The following ERBIN variants were observed in gnomAD, a reference collection of about 807,000 sequenced individuals.
ERBIN encodes the protein erbb2 interacting protein, also known as densin-180-like protein.
In ERBIN, 60 loss-of-function variants were observed where a neutral mutation model predicts 158.4. That is an observed-to-expected ratio of 0.38 (90% CI 0.31 to 0.47). ERBIN has a LOEUF of 0.47. Ranked by LOEUF, ERBIN falls within the 20% of genes least tolerant of loss-of-function variation. The pLI is 0.99. For synonymous variants in ERBIN, 594 were observed against 557.2 expected (o/e 1.07, Z -0.93); for missense variants, 1,610 against 1,648.0 (o/e 0.98, Z 0.40).
intron 21 of ERBIN, among the ~76,000 whole-genome samples, chr5:66,066,857 C>T (rs73763083): frequency 0.04 from 6,133 of 152,248 alleles, 415 homozygotes; most frequent in African/African-American, 0.14. Context: ...TGACAGGAAG[C>T]AGTTTTACGT....
intron 9 of ERBIN, among the ~76,000 whole-genome samples, 196 bp downstream of exon 9, chr5:66,023,560 C>T (rs1755919114): frequency 6.6e-6 from 1 of 151,974 alleles, no homozygotes; most frequent in African/African-American, 2.4e-5. Context: ...ATTTGTATGT[C>T]TCCTTTTAAT....
intron 1 of ERBIN, among the ~76,000 whole-genome samples, chr5:65,955,173 A>G (rs6449797): frequency 0.04 from 6,107 of 152,294 alleles, 415 homozygotes; most frequent in African/African-American, 0.14. Context: ...AAAAATGCCA[A>G]CCATTTTTTT....
intron 21 of ERBIN, among the ~76,000 whole-genome samples, chr5:66,064,221 A>G (rs1580519544): frequency 1.3e-5 from 2 of 152,256 alleles, no homozygotes; most frequent in South Asian, 4.1e-4. Context: ...TTAATAGATT[A>G]AGGTAAAAGT....
Position 66,053,438 on chromosome 5 carries a change from A to C in ERBIN, c.2120A>C (p.Gln707Pro). 1 of 1,500,886 alleles carries C rather than the reference A, an allele frequency of 6.7e-7. No individual in the cohort carries two copies. Among genetic ancestry groups the C allele is most frequent in the Non-Finnish European group, 8.9e-7 (1 of 1,126,892 alleles). The allele number at this position is 1,500,886 out of a possible 1,614,324, so 93.0% of individuals were successfully genotyped here. Residue 707 changes from glutamine to proline, a missense_variant, in exon 21 of 26, where the codon CAA becomes CCA. Physicochemically the swap from Gln to Pro is moderately conservative, Grantham distance 76. This residue lies in a region of ERBIN where 1,014 missense variants were observed against 936.1 expected (regional missense o/e 1.08). Coordinates refer to ENST00000284037, the MANE Select transcript of ERBIN (RefSeq NM_001253697.2). Reference sequence around the variant, plus strand: ...GATGAAAATTTTAACAGCCTTTTACAAAATGGAGATATTTTAAACAGTTCA... The same window carrying C: ...GATGAAAATTTTAACAGCCTTTTACCAAATGGAGATATTTTAAACAGTTCA... ...QEDENFNSLLQNGDILNSSTE... is the reference protein window; with the variant it reads ...QEDENFNSLLPNGDILNSSTE...
chr5:65,971,199 A>G (rs1749205856), intron 1 of ERBIN, among the ~76,000 whole-genome samples: 1 of 151,442 alleles, frequency 6.6e-6, no homozygotes, highest in Non-Finnish European at 1.5e-5. Context: ...CCAGGTGTCT[A>G]GAAGTGACTG....
intron 1 of ERBIN, among the ~76,000 whole-genome samples, chr5:65,939,814 G>T (rs527919799): frequency 6.6e-6 from 1 of 152,366 alleles, no homozygotes; most frequent in South Asian, 2.1e-4. Flanking sequence ...CTCCCGAGGT[G>T]CCGGGATTGC....
chr5:65,940,453 C>T (rs1278461425), intron 1 of ERBIN, among the ~76,000 whole-genome samples: 5 of 109,224 alleles, frequency 4.6e-5, no homozygotes, highest in Admixed American at 1.8e-4. Context: ...CTGCCCCGTC[C>T]GGGAGGGAGG....
chr5:65,930,827 C>T (rs1465398765), intron 1 of ERBIN, among the ~76,000 whole-genome samples: 1 of 152,176 alleles, frequency 6.6e-6, no homozygotes, highest in Non-Finnish European at 1.5e-5. Context: ...TCCTACCTTT[C>T]AAGTTAGATG....
intron 4 of ERBIN, among the ~76,000 whole-genome samples, chr5:65,996,125 G>A (rs980600459): frequency 5.9e-5 from 9 of 151,270 alleles, no homozygotes; most frequent in Non-Finnish European, 1.2e-4. Flanking sequence ...GATCCCGTTT[G>A]TCTGTTTTTG....
Position 65,977,039 on chromosome 5 carries a change from C to T in ERBIN, c.-57-11596C>T, listed in dbSNP as rs1040156472. Among the ~76,000 whole-genome samples the T allele has an allele frequency of 2.2e-3, 330 of 152,336 alleles. 2 individuals carry two copies. The highest frequency in any genetic ancestry group is 7.6e-3 in the African/African-American group (315 of 41,584). ...TCTCAATGAGCTGTTGGGTACACCTCGCAGATGGGGTGGTGGCCGGGCAGA... is the reference window on the plus strand; with the variant it reads ...TCTCAATGAGCTGTTGGGTACACCTTGCAGATGGGGTGGTGGCCGGGCAGA... On this transcript the variant is annotated intron_variant, in intron 1 of 25. Transcript: ENST00000284037.
At chr5:66,070,386 A>G (rs933144056) in intron 21 of ERBIN, among the ~76,000 whole-genome samples, 3 of 152,190 alleles carry the variant, frequency 2.0e-5, no homozygotes, top group African/African-American at 4.8e-5. Context: ...GGTGATAACT[A>G]TCAGTCTCTC....
At chr5:65,977,276 C>T (rs1440898907) in intron 1 of ERBIN, among the ~76,000 whole-genome samples, 5 of 147,566 alleles carry the variant, frequency 3.4e-5, no homozygotes, top group East Asian at 2.0e-4. Context: ...CCGGATGGGG[C>T]GGCTGGCCGG....
At chr5:66,019,646 A>G (rs888594880) in intron 7 of ERBIN, among the ~76,000 whole-genome samples, 1 of 152,022 alleles carries the variant, frequency 6.6e-6, no homozygotes, top group Non-Finnish European at 1.5e-5. Context: ...ATGACAGTAT[A>G]TTTTCTTTTT....
At chr5:66,016,615 CTT>C (rs11323656) in intron 7 of ERBIN, among the ~76,000 whole-genome samples, 407 of 124,160 alleles carry the variant, frequency 3.3e-3, no homozygotes, top group Middle Eastern at 7.9e-3. Flanking sequence ...TTCATGAGAT[CTT>C]TTTTTTTTTT....
chr5:65,966,342 A>G (rs1748609977), intron 1 of ERBIN, among the ~76,000 whole-genome samples: 2 of 152,304 alleles, frequency 1.3e-5, no homozygotes, highest in South Asian at 2.1e-4. Flanking sequence ...TGGTTTATGT[A>G]TTTAGTATAT....
At chr5:65,977,619 C>T (rs1269022468) in intron 1 of ERBIN, among the ~76,000 whole-genome samples, 2 of 150,926 alleles carry the variant, frequency 1.3e-5, no homozygotes, top group South Asian at 2.1e-4. Flanking sequence ...AAGAGGCGCT[C>T]CTCACTTCCT....
chr5:65,989,474 C>T (rs556544448), intron 2 of ERBIN, among the ~76,000 whole-genome samples: 34 of 152,280 alleles, frequency 2.2e-4, no homozygotes, highest in African/African-American at 7.9e-4. Flanking sequence ...GAGATTTCAA[C>T]TCTATTTAGC....
chr5:65,929,625 T>C (rs1580040179), intron 1 of ERBIN, among the ~76,000 whole-genome samples: 1 of 151,504 alleles, frequency 6.6e-6, no homozygotes, highest in African/African-American at 2.4e-5. Context: ...AAAGATGTCT[T>C]TGTCTTTTCC....
intron 21 of ERBIN, among the ~76,000 whole-genome samples, chr5:66,063,351 A>G (rs1031708906): frequency 6.6e-6 from 1 of 152,198 alleles, no homozygotes; most frequent in African/African-American, 2.4e-5. Flanking sequence ...GTTGCGGGAT[A>G]TAATCTCCTG....
Sources: allele counts gnomAD v4.1 joint callset (sites outside exome capture counted in the v4.1 genomes callset), GRCh38; gene constraint gnomAD v4.1.1; regional missense constraint gnomAD v4.1.1; transcripts MANE v1.5; gene names NCBI Gene and HGNC (gene_info 2026-07-23, HGNC 2026-07-21).